SRRM3: variants seen among roughly 807,000 people sequenced by gnomAD.
The protein encoded by SRRM3 is serine/arginine repetitive matrix protein 3.
A neutral mutation model predicts 66.2 loss-of-function variants in SRRM3; 27 were observed. The ratio of observed to expected loss-of-function variants is 0.41; its 90% CI spans 0.30 to 0.56. The LOEUF is 0.56. SRRM3 is among the 20% of genes least tolerant of loss of function. The pLI is 0.32. For synonymous variants in SRRM3, 391 were observed against 414.9 expected (o/e 0.94, Z 0.70); for missense variants, 918 against 991.9 (o/e 0.93, Z 1.00).
At chr7:76,208,911 G>C (rs1007563107) in intron 1 of SRRM3, among the ~76,000 whole-genome samples, 3 of 151,146 alleles carry the variant, frequency 2.0e-5, no homozygotes, top group African/African-American at 7.3e-5. Context: ...GGGAGGGAGA[G>C]AGGGAGAAAG....
intron 12 of SRRM3, 34 bp downstream of exon 12, chr7:76,281,836 C>A: frequency 8.2e-7 from 1 of 1,224,992 alleles, no homozygotes; most frequent in Non-Finnish European, 1.0e-6. Context: ...GGACTCCCGC[C>A]CCCACCCCGC....
intron 1 of SRRM3, 87 bp from the exon 2 acceptor site, chr7:76,234,941 A>G (rs1330052948): frequency 1.3e-6 from 1 of 780,746 alleles, no homozygotes; most frequent in Admixed American, 3.0e-5. Flanking sequence ...TGTGCCCTTA[A>G]ATCTCCAGGA....
chr7:76,270,609 C>T (rs1425015002), intron 11 of SRRM3, among the ~76,000 whole-genome samples: 5 of 151,930 alleles, frequency 3.3e-5, no homozygotes, highest in African/African-American at 1.2e-4. Flanking sequence ...GTCAGGAGTT[C>T]GAGACCAGCC....
chr7:76,207,590 T>C (rs1800333671), intron 1 of SRRM3, among the ~76,000 whole-genome samples: 1 of 152,046 alleles, frequency 6.6e-6, no homozygotes, highest in South Asian at 2.1e-4. Flanking sequence ...TAGGGCCAGG[T>C]TTGGTGGCTC....
intron 2 of SRRM3, among the ~76,000 whole-genome samples, chr7:76,240,826 C>T (rs1277802315): frequency 6.6e-6 from 1 of 151,950 alleles, no homozygotes; most frequent in Non-Finnish European, 1.5e-5. Flanking sequence ...AGGCTGGGGA[C>T]CCTGGGACAG....
chr7:76,233,806 G>A (rs1554604473), intron 1 of SRRM3, among the ~76,000 whole-genome samples: 1 of 152,114 alleles, frequency 6.6e-6, no homozygotes, highest in African/African-American at 2.4e-5. Flanking sequence ...CAGGGGGAAG[G>A]ACATATGAGA....
chr7:76,225,896 G>T (rs891429097), intron 1 of SRRM3, among the ~76,000 whole-genome samples: 1 of 152,082 alleles, frequency 6.6e-6, no homozygotes, highest in Admixed American at 6.6e-5. Flanking sequence ...TTGAAGTCAC[G>T]TGCCCTAGGT....
intron 14 of SRRM3, chr7:76,283,391 A>G: frequency 1.8e-6 from 1 of 547,324 alleles, no homozygotes. Context: ...GGGGCTCTGT[A>G]CTTGGGTCTG....
intron 2 of SRRM3, among the ~76,000 whole-genome samples, chr7:76,240,030 G>C (rs1378933215): frequency 6.6e-6 from 1 of 152,150 alleles, no homozygotes; most frequent in East Asian, 1.9e-4. Flanking sequence ...GCCAGGTGTG[G>C]TGGTGGACGC....
chr7:76,204,056 C>T (rs1245552183), intron 1 of SRRM3, among the ~76,000 whole-genome samples: 4 of 152,128 alleles, frequency 2.6e-5, no homozygotes, highest in East Asian at 1.9e-4. Flanking sequence ...CTGCTGCACC[C>T]GTTCTGCACC....
At chr7:76,215,387 G>A (rs1009254083) in intron 1 of SRRM3, among the ~76,000 whole-genome samples, 7 of 143,980 alleles carry the variant, frequency 4.9e-5, no homozygotes, top group Admixed American at 2.8e-4. Context: ...GGAGTTAGGA[G>A]CCCGCAGTTT....
intron 5 of SRRM3, among the ~76,000 whole-genome samples, 174 bp downstream of exon 5, chr7:76,260,371 ACC>A (rs1195314814): frequency 3.8e-5 from 1 of 26,282 alleles, no homozygotes; most frequent in Non-Finnish European, 7.2e-5. Context: ...AACTGAACCC[ACC>A]CCAGGCCTCA....
At chr7:76,222,065 G>A (rs1554603273) in intron 1 of SRRM3, among the ~76,000 whole-genome samples, 1 of 152,228 alleles carries the variant, frequency 6.6e-6, no homozygotes. Flanking sequence ...GCACGGGTCT[G>A]TCTTGGTTCA....
intron 2 of SRRM3, among the ~76,000 whole-genome samples, chr7:76,238,513 G>C (rs1421834018): frequency 6.6e-6 from 1 of 152,030 alleles, no homozygotes; most frequent in African/African-American, 2.4e-5. Context: ...GGCGTACTTG[G>C]AGTCACCTTC....
At chr7:76,248,935 C>T (rs1554606504) in intron 3 of SRRM3, among the ~76,000 whole-genome samples, 1 of 152,028 alleles carries the variant, frequency 6.6e-6, no homozygotes, top group East Asian at 1.9e-4. Context: ...AGCCGAGATC[C>T]TGCCACTGTA....
At chr7:76,263,153 C>A (rs1801924111) in intron 8 of SRRM3, among the ~76,000 whole-genome samples, 1 of 152,196 alleles carries the variant, frequency 6.6e-6, no homozygotes, top group South Asian at 2.1e-4. Context: ...TACACACACC[C>A]TCTGGCCAGC....
At chr7:76,203,638 A>T (rs1283557373) in intron 1 of SRRM3, among the ~76,000 whole-genome samples, 1 of 152,224 alleles carries the variant, frequency 6.6e-6, no homozygotes, top group African/African-American at 2.4e-5. Context: ...GCCCAGCTCC[A>T]TGCTGGGCAC....
At chr7:76,204,978 G>A (rs1554600991) in intron 1 of SRRM3, among the ~76,000 whole-genome samples, 2 of 151,992 alleles carry the variant, frequency 1.3e-5, no homozygotes, top group African/African-American at 4.8e-5. Context: ...TCCTCACTCA[G>A]CCTCCTGCCC....
chr7:76,267,410 C>G lies in SRRM3; in HGVS notation c.983C>G (p.Pro328Arg). The G allele has an allele frequency of 7.2e-7, 1 of 1,385,110 alleles. No homozygotes were observed. The highest frequency in any genetic ancestry group is 4.0e-5 in the Admixed American group (1 of 25,298). The allele number at this position is 1,385,110 out of a possible 1,614,324, so 85.8% of individuals were successfully genotyped here. ...CGGAGCGGAGCGCACGGGGGCCGCC[C>G]CGGCTCGGCGCACAGCCCGCCCGAT... The part of the protein sequence containing the change: ...GQRSGAHGGR[P>R]GSAHSPPDKP... Residue 328 changes from proline (P) to arginine (R), a missense_variant, in exon 11 of 15, where the codon CCC (proline) becomes CGC (arginine). By Grantham distance (103) the Pro-to-Arg change is moderately radical. Transcript: ENST00000611745.
Sources: allele counts gnomAD v4.1 joint callset (sites outside exome capture counted in the v4.1 genomes callset), GRCh38; gene constraint gnomAD v4.1.1; transcripts MANE v1.5; gene names NCBI Gene and HGNC (gene_info 2026-07-23, HGNC 2026-07-21).